RASAL2: variants seen among roughly 807,000 people sequenced by gnomAD.
RASAL2 encodes the protein RAS protein activator like 2.
In RASAL2, 58 loss-of-function variants were observed where a neutral mutation model predicts 128.9. The ratio of observed to expected loss-of-function variants is 0.45; its 90% CI spans 0.36 to 0.56. RASAL2 has a LOEUF of 0.56. Among genes scored for constraint, RASAL2 ranks in the 20% least tolerant of loss-of-function variants. RASAL2 has a pLI of 0.00. For missense variants in RASAL2, 1,360 were observed against 1,601.6 expected, an observed-to-expected ratio of 0.85 and a Z score of 2.57; for synonymous variants, 561 against 580.8, an observed-to-expected ratio of 0.97 and a Z score of 0.49.
intron 3 of RASAL2, among the ~76,000 whole-genome samples, chr1:178,333,966 C>T (rs2102380028): frequency 6.6e-6 from 1 of 152,188 alleles, no homozygotes; most frequent in East Asian, 1.9e-4. Flanking sequence ...GTTTTTAAAG[C>T]AACAGTAAAT....
Position 178,094,290 on chromosome 1 carries a change from C to T in RASAL2, c.-203C>T, listed in dbSNP as rs1354574779. Reference sequence around the variant, plus strand: ...TCCTCCTCCCGGCCTGGGTCCCGCCCGCCGACTGCAGGTGGGCTGCATCGC... The same window carrying T: ...TCCTCCTCCCGGCCTGGGTCCCGCCTGCCGACTGCAGGTGGGCTGCATCGC... On this transcript the variant is annotated 5_prime_UTR_variant, in exon 1 of 18. Coordinates refer to ENST00000367649, the MANE Select transcript of RASAL2 (RefSeq NM_170692.4). 2.4e-5 allele frequency: 13 copies of T among 552,226 alleles called. No individual in the cohort carries two copies. Among genetic ancestry groups the T allele is most frequent in the Non-Finnish European group, 4.0e-5 (13 of 322,126 alleles). The allele number at this position is 552,226 out of a possible 1,614,324, so 34.2% of individuals were successfully genotyped here. A position where few individuals can be genotyped will look rare whatever the true frequency, so the allele number is the denominator to read the frequency against.
At chr1:178,191,733 A>T (rs1177401078) in intron 1 of RASAL2, among the ~76,000 whole-genome samples, 1 of 152,210 alleles carries the variant, frequency 6.6e-6, no homozygotes, top group African/African-American at 2.4e-5. Flanking sequence ...AGCAACTGTG[A>T]TATCAATTCA....
At chr1:178,337,736 ATT>A (rs375566366) in intron 3 of RASAL2, among the ~76,000 whole-genome samples, 2 of 147,698 alleles carry the variant, frequency 1.4e-5, no homozygotes, top group Non-Finnish European at 1.5e-5. Context: ...TATGCAAGTA[ATT>A]TTTTTTTTTT....
At chr1:178,283,778 T>C in intron 2 of RASAL2, 87 bp downstream of exon 2, 2 of 1,516,714 alleles carry the variant, frequency 1.3e-6, no homozygotes, top group Non-Finnish European at 1.8e-6. Context: ...TTTTGAAAAG[T>C]TGGATTATAA....
chr1:178,422,997 C>T (rs761871616), intron 5 of RASAL2, among the ~76,000 whole-genome samples: 1 of 152,076 alleles, frequency 6.6e-6, no homozygotes, highest in Admixed American at 6.6e-5. Flanking sequence ...TTTCAAACCT[C>T]TTTAAAACTC....
Position 178,200,858 on chromosome 1 carries a change from C to T in RASAL2, c.203-82706C>T, listed in dbSNP as rs569668895. 1.0e-3 allele frequency among the ~76,000 whole-genome samples: 159 copies of T among 152,270 alleles called. 1 individual carries two copies. Among genetic ancestry groups the T allele is most frequent in the African/African-American group, 3.6e-3 (148 of 41,560 alleles). On this transcript the variant is annotated intron_variant, in intron 1 of 17. Coordinates refer to ENST00000367649, the MANE Select transcript of RASAL2 (RefSeq NM_170692.4). ...TCATCCCCAGTAGTGGCAGCATCCCCTCCCCAACCCATGCTGCCATCATCC... is the reference window on the plus strand; with the variant it reads ...TCATCCCCAGTAGTGGCAGCATCCCTTCCCCAACCCATGCTGCCATCATCC...
chr1:178,414,110 T>A (rs1487433981), intron 4 of RASAL2, among the ~76,000 whole-genome samples: 1 of 152,162 alleles, frequency 6.6e-6, no homozygotes, highest in Non-Finnish European at 1.5e-5. Flanking sequence ...TACAATAGGG[T>A]TATGTCCAAA....
intron 1 of RASAL2, among the ~76,000 whole-genome samples, chr1:178,176,592 T>C (rs1661900596): frequency 1.4e-5 from 2 of 147,472 alleles, no homozygotes; most frequent in Non-Finnish European, 3.0e-5. Context: ...TTAGTAACTG[T>C]ATGTTAAGCC....
Position 178,140,407 on chromosome 1 carries a change from A to G in RASAL2, c.202+45713A>G, listed in dbSNP as rs188155749. Among the ~76,000 whole-genome samples, 91 of 152,302 alleles carry G rather than the reference A, an allele frequency of 6.0e-4. No homozygotes were observed. The East Asian group carries it at 9.7e-3, about 16-fold the overall frequency. ...ATGGTTTTGACAAATGCATAATGCC[A>G]TATCTCTACCATTACAGTATTATAT... is the stretch of plus-strand genomic sequence containing the variant. On this transcript the variant is annotated intron_variant, in intron 1 of 17. Transcript: ENST00000367649.
At chr1:178,352,433 G>A (rs1670562603) in intron 3 of RASAL2, among the ~76,000 whole-genome samples, 1 of 152,214 alleles carries the variant, frequency 6.6e-6, no homozygotes, top group Non-Finnish European at 1.5e-5. Flanking sequence ...ACACACTGAT[G>A]TGAGAGGTGG....
intron 4 of RASAL2, among the ~76,000 whole-genome samples, chr1:178,398,825 C>G (rs1272187362): frequency 6.6e-6 from 1 of 152,160 alleles, no homozygotes; most frequent in African/African-American, 2.4e-5. Flanking sequence ...TTGTCTACCT[C>G]TCTTCAAATT....
chr1:178,125,943 A>G (rs1659884110), intron 1 of RASAL2, among the ~76,000 whole-genome samples: 1 of 152,196 alleles, frequency 6.6e-6, no homozygotes, highest in South Asian at 2.1e-4. Flanking sequence ...ACACCTACCT[A>G]AGGAGCAAGG....
chr1:178,410,708 A>G (rs1332311310), intron 4 of RASAL2, among the ~76,000 whole-genome samples: 3 of 152,182 alleles, frequency 2.0e-5, no homozygotes, highest in African/African-American at 7.2e-5. Flanking sequence ...AAAGTGAGCA[A>G]AGGAAATGAA....
chr1:178,331,777 C>CG (rs1326617799), intron 3 of RASAL2, among the ~76,000 whole-genome samples: 1 of 151,724 alleles, frequency 6.6e-6, no homozygotes, highest in Non-Finnish European at 1.5e-5. Context: ...TTAGTAAAGA[C>CG]GGGGTTTCAC....
chr1:178,289,939 C>T (rs1465044123), intron 2 of RASAL2, among the ~76,000 whole-genome samples: 1 of 151,982 alleles, frequency 6.6e-6, no homozygotes, highest in Non-Finnish European at 1.5e-5. Context: ...CATTTTCTTA[C>T]CTCCTTCATC....
At chr1:178,228,344 C>T (rs949888365) in intron 1 of RASAL2, among the ~76,000 whole-genome samples, 7 of 151,918 alleles carry the variant, frequency 4.6e-5, no homozygotes, top group East Asian at 1.9e-4. Flanking sequence ...CACTTTAGGA[C>T]GCCGAGGCAG....
At chr1:178,176,640 G>A (rs1661903511) in intron 1 of RASAL2, among the ~76,000 whole-genome samples, 1 of 148,464 alleles carries the variant, frequency 6.7e-6, no homozygotes, top group African/African-American at 2.5e-5. Flanking sequence ...GAAAGAGGGA[G>A]AGAGAGAGAG....
At chr1:178,206,226 GT>G (rs562895671) in intron 1 of RASAL2, among the ~76,000 whole-genome samples, 61 of 152,268 alleles carry the variant, frequency 4.0e-4, no homozygotes, top group South Asian at 2.5e-3. Flanking sequence ...GTAGCATTCT[GT>G]TTTGTTCTTA....
chr1:178,195,183 G>A lies in RASAL2; in HGVS notation c.203-88381G>A, dbSNP rs74128881. 5.7e-3 allele frequency among the ~76,000 whole-genome samples: 863 copies of A among 152,296 alleles called. 11 individuals carry two copies. The highest frequency in any genetic ancestry group is 0.019 in the African/African-American group (794 of 41,568). On this transcript the variant is annotated intron_variant, in intron 1 of 17. Coordinates refer to ENST00000367649, the MANE Select transcript of RASAL2 (RefSeq NM_170692.4). Reference sequence around the variant, plus strand: ...TGCTCAAAGGCAGTCAACTAGACAGGTGTGGCTGGGACCAGTGAGACTTAA... The same window carrying A: ...TGCTCAAAGGCAGTCAACTAGACAGATGTGGCTGGGACCAGTGAGACTTAA...
Sources: allele counts gnomAD v4.1 joint callset (sites outside exome capture counted in the v4.1 genomes callset), GRCh38; gene constraint gnomAD v4.1.1; transcripts MANE v1.5; gene names NCBI Gene and HGNC (gene_info 2026-07-23, HGNC 2026-07-21).